Variants in COL4A4 observed in about 807,000 individuals in gnomAD.
The protein encoded by COL4A4 is collagen type IV alpha 4 chain, also known as collagen alpha-4(IV) chain.
In COL4A4, 105 loss-of-function variants were observed where a neutral mutation model predicts 192.9. That is an observed-to-expected ratio of 0.54 (90% CI 0.46 to 0.64). The LOEUF (loss-of-function observed/expected upper bound fraction) is 0.64, where lower values mean the gene tolerates loss of function less well. Among genes scored for constraint, COL4A4 ranks in the 30% least tolerant of loss-of-function variants. COL4A4 has a pLI of 0.00. For missense variants in COL4A4, 1,967 were observed against 2,169.3 expected (o/e 0.91, Z 1.85); for synonymous variants, 762 against 769.9 (o/e 0.99, Z 0.17).
At position 227,089,926 on chromosome 2, in the gene COL4A4, TGGTCC is replaced by T; in HGVS notation, c.1396_1400del (p.Gly466ThrfsTer22). 1 of 1,613,688 alleles carries T rather than the reference TGGTCC, an allele frequency of 6.2e-7. No homozygotes were observed. The highest frequency in any genetic ancestry group is 8.5e-7 in the Non-Finnish European group (1 of 1,179,738). ...GACCAACTTTGCCTTTTATTCCTTG[TGGTCC>T]GGGGTTCCCAACACTACAGTATATC... On this transcript the variant is annotated frameshift_variant, in exon 21 of 48. Transcript: ENST00000396625. LOFTEE classifies it high-confidence loss of function.
chr2:227,030,004 T>C (rs1000106924), intron 41 of COL4A4, among the ~76,000 whole-genome samples: 32 of 152,306 alleles, frequency 2.1e-4, no homozygotes, highest in African/African-American at 7.5e-4. Context: ...GAGTGGCTTA[T>C]TTGCAAAAGG....
At chr2:227,118,621 T>C in intron 7 of COL4A4, 24 bp downstream of exon 7, 1 of 1,536,956 alleles carries the variant, frequency 6.5e-7, no homozygotes, top group African/African-American at 1.4e-5. Context: ...AGATTCCTGT[T>C]AAGATGAACT....
chr2:227,018,923 GTTC>G (rs2149821554), intron 44 of COL4A4, among the ~76,000 whole-genome samples: 1 of 152,330 alleles, frequency 6.6e-6, no homozygotes, highest in South Asian at 2.1e-4. Context: ...AGAGAATCTT[GTTC>G]TTGTTCATGT....
intron 1 of COL4A4, among the ~76,000 whole-genome samples, chr2:227,157,120 A>G (rs192384466): frequency 6.6e-6 from 1 of 152,300 alleles, no homozygotes; most frequent in East Asian, 1.9e-4. Context: ...AAAGACTGAA[A>G]TCTTGCAGAT....
intron 2 of COL4A4, among the ~76,000 whole-genome samples, chr2:227,146,308 A>G (rs993322924): frequency 6.6e-6 from 1 of 151,546 alleles, no homozygotes; most frequent in African/African-American, 2.4e-5. Flanking sequence ...TTAAAAAAAA[A>G]TCCACAATTA....
chr2:227,041,814 AAG>A (rs1253917267), intron 37 of COL4A4, among the ~76,000 whole-genome samples: 17 of 31,150 alleles, frequency 5.5e-4, no homozygotes, highest in African/African-American at 2.6e-3. Flanking sequence ...GGAAGAAAGA[AAG>A]AAAGAAAGAA....
chr2:227,107,104 T>C (rs1041678412), intron 12 of COL4A4, among the ~76,000 whole-genome samples: 1 of 152,322 alleles, frequency 6.6e-6, no homozygotes, highest in East Asian at 1.9e-4. Context: ...CAGAGCTCCA[T>C]GGCTTCCCAA....
At chr2:226,982,773 AAGC>A in the COL4A4 span, among the ~76,000 whole-genome samples, 1 of 152,094 alleles carries the variant, frequency 6.6e-6, no homozygotes, top group Non-Finnish European at 1.5e-5. Context: ...TTCATTCCTC[AAGC>A]ATTTATGATG....
chr2:227,099,812 C>T (rs577370704), intron 17 of COL4A4, 123 bp from the exon 18 acceptor site: 1 of 840,288 alleles, frequency 1.2e-6, no homozygotes, highest in African/African-American at 1.7e-5. Flanking sequence ...TATAGGCTGA[C>T]TAGAGAAATG....
At chr2:227,118,897 C>T (rs2061627174) in intron 6 of COL4A4, 136 bp from the exon 7 acceptor site, 2 of 698,780 alleles carry the variant, frequency 2.9e-6, no homozygotes, top group African/African-American at 1.8e-5. Context: ...TTTCTCTTTA[C>T]CCCAAAAGGC....
chr2:226,986,488 GA>G, the COL4A4 span, among the ~76,000 whole-genome samples: 5 of 151,848 alleles, frequency 3.3e-5, no homozygotes, highest in Non-Finnish European at 7.4e-5. Context: ...AAATTTACAA[GA>G]AAAAAATAAC....
intron 29 of COL4A4, 52 bp downstream of exon 29, chr2:227,057,387 T>G: frequency 6.5e-7 from 1 of 1,548,258 alleles, no homozygotes; most frequent in South Asian, 1.2e-5. Flanking sequence ...GGGGAGCTTA[T>G]TTAATTGTAA....
intron 8 of COL4A4, 76 bp from the exon 9 acceptor site, chr2:227,111,789 A>G (rs971907586): frequency 1.6e-5 from 24 of 1,474,654 alleles, no homozygotes; most frequent in Non-Finnish European, 2.1e-5. Flanking sequence ...ATAGAAATAT[A>G]CACAAAATTA....
Position 227,007,475 on chromosome 2 carries a change from G to T in COL4A4, c.4923C>A (p.Cys1641Ter), listed in dbSNP as rs121912862. 1 of 1,614,196 alleles carries T rather than the reference G, an allele frequency of 6.2e-7. No homozygotes were observed. The highest frequency in any genetic ancestry group is 8.5e-7 in the Non-Finnish European group (1 of 1,180,034). Residue 1641 changes from cysteine (C) to a stop codon, truncating the protein, a stop_gained, in exon 48 of 48, where the codon TGC becomes TGA. Coordinates refer to ENST00000396625, the MANE Select transcript of COL4A4 (RefSeq NM_000092.5). LOFTEE classifies it high-confidence loss of function. ...AGCTATACTTATTTGCGAAAAAGTG[G>T]CAAGTTCCCTGCCGGCCCTGGCATT... ...FLECQGRQGT[C>*]HFFANKYSFW... is the part of the protein sequence containing the mutation.
In COL4A4 at chr2:227,147,485, G is replaced by A. The variant is rs2228558; in HGVS notation, c.-2C>T. 28,791 of 1,612,518 alleles carry A rather than the reference G, an allele frequency of 0.018. 4,284 individuals carry two copies. In the African/African-American group the frequency reaches 0.33, roughly 19 times the overall value. ...TAGTACTATGTGCAGAGACCACATC[G>A]CAGGCAAGTCTTAGTACTTAAAAAA... On this transcript the variant is annotated 5_prime_UTR_variant, in exon 2 of 48. Coordinates refer to ENST00000396625, the MANE Select transcript of COL4A4 (RefSeq NM_000092.5).
chr2:226,984,436 A>AT, the COL4A4 span, among the ~76,000 whole-genome samples: 4 of 152,316 alleles, frequency 2.6e-5, no homozygotes, highest in African/African-American at 9.6e-5. Flanking sequence ...TCATTCCCTG[A>AT]TAAGTTTACC....
At chr2:227,010,607 G>A (rs1239707702) in intron 45 of COL4A4, 106 bp from the exon 46 acceptor site, 1 of 922,978 alleles carries the variant, frequency 1.1e-6, no homozygotes, top group African/African-American at 1.7e-5. Context: ...AGGGAGCAGA[G>A]GGGAGCATGA....
the COL4A4 span, among the ~76,000 whole-genome samples, chr2:226,990,360 A>G: frequency 6.6e-6 from 1 of 152,212 alleles, no homozygotes; most frequent in Non-Finnish European, 1.5e-5. Context: ...TAGAAATCCC[A>G]GAGAACACTG....
chr2:227,051,027 A>G lies in COL4A4; in HGVS notation c.3100T>C (p.Ser1034Pro). Residue 1034 changes from serine to proline, a missense_variant, in exon 33 of 48, where the codon TCA (serine) becomes CCA (proline). Transcript: ENST00000396625. Reference sequence around the variant, plus strand: ...CCAATGAACCCTCTTAGACCAGTTGAGCCTGGAGGGCCTGGGGGTCCAGGA... The same window carrying G: ...CCAATGAACCCTCTTAGACCAGTTGGGCCTGGAGGGCCTGGGGGTCCAGGA... ...GPPGPPGPPG[S>P]TGLRGFIGFP... is the part of the protein sequence containing the mutation. 6.2e-7 allele frequency: 1 copy of G among 1,614,186 alleles called. No homozygotes were observed. The highest frequency in any genetic ancestry group is 8.5e-7 in the Non-Finnish European group (1 of 1,180,030).
Sources: gnomAD v4.1 joint callset for allele counts (sites outside exome capture counted in the v4.1 genomes callset) on GRCh38, gnomAD v4.1.1 for gene constraint, MANE v1.5 for transcripts, NCBI Gene and HGNC (gene_info 2026-07-23, HGNC 2026-07-21) for gene names.